PRKCI: variants seen among roughly 807,000 people sequenced by gnomAD.
PRKCI encodes protein kinase C iota type.
Under a neutral mutation model 84.0 loss-of-function variants are expected in PRKCI, and 43 were observed. The observed-to-expected ratio is 0.51, with a 90% CI of 0.40 to 0.66. The LOEUF (loss-of-function observed/expected upper bound fraction) is 0.66. PRKCI is among the 30% of genes least tolerant of loss of function. The probability of loss-of-function intolerance (pLI) is 0.00; values close to 1 mark genes in which losing one functional copy is unlikely to be tolerated. For missense variants in PRKCI, 459 were observed against 745.6 expected (o/e 0.62, Z 4.48); for synonymous variants, 216 against 234.4 (o/e 0.92, Z 0.72).
At chr3:170,280,704 C>T (rs182308851) in intron 9 of PRKCI, among the ~76,000 whole-genome samples, 26 of 152,302 alleles carry the variant, frequency 1.7e-4, no homozygotes, top group African/African-American at 6.3e-4. Context: ...CCGCCTCAGC[C>T]TCCCAAAGTT....
rs535939698 is a variant in PRKCI at position 170,274,155 on chromosome 3, A to C, written c.646+815A>C. On this transcript the variant is annotated intron_variant, in intron 7 of 17. Transcript: ENST00000295797. ...CGCTTTTTTCTTTTTCTTTCGAGAC[A>C]GAGTCTTGCTCTGTTGCCCAAGCTG... 5.9e-5 allele frequency among the ~76,000 whole-genome samples: 9 copies of C among 152,122 alleles called. 1 individual carries two copies. The South Asian group carries it at 6.2e-4, about 11-fold the overall frequency.
At chr3:170,297,040 C>CT (rs1267066044) in intron 15 of PRKCI, among the ~76,000 whole-genome samples, 5 of 152,196 alleles carry the variant, frequency 3.3e-5, no homozygotes, top group African/African-American at 1.2e-4. Flanking sequence ...CTGCTGTTCT[C>CT]TTTTTCCTCC....
At chr3:170,259,205 A>T (rs1022112888) in intron 2 of PRKCI, among the ~76,000 whole-genome samples, 1 of 152,158 alleles carries the variant, frequency 6.6e-6, no homozygotes, top group African/African-American at 2.4e-5. Context: ...TGGGATATAT[A>T]CAATGTTAAG....
At chr3:170,298,818 G>C (rs988946770) in intron 16 of PRKCI, among the ~76,000 whole-genome samples, 177 bp from the exon 17 acceptor site, 1 of 152,264 alleles carries the variant, frequency 6.6e-6, no homozygotes, top group African/African-American at 2.4e-5. Context: ...TGGGATTACA[G>C]GCGTGAGCCG....
intron 4 of PRKCI, among the ~76,000 whole-genome samples, chr3:170,265,620 CTT>C (rs111545487): frequency 1.1e-4 from 15 of 142,308 alleles, no homozygotes; most frequent in Admixed American, 2.8e-4. Flanking sequence ...CTTTCTTTTT[CTT>C]TTTTTTTTTT....
intron 1 of PRKCI, among the ~76,000 whole-genome samples, chr3:170,231,066 T>C (rs1213760962): frequency 6.6e-6 from 1 of 151,244 alleles, no homozygotes; most frequent in Non-Finnish European, 1.5e-5. Flanking sequence ...TTCAAGCGAT[T>C]CTCCAGTCTC....
rs1472340224 is a variant in PRKCI at position 170,303,688 on chromosome 3, G to T, written c.*561G>T. 9.1e-6 allele frequency: 2 copies of T among 219,500 alleles called. No individual in the cohort carries two copies. The highest frequency in any genetic ancestry group is 2.2e-5 in the African/African-American group (1 of 44,634). The allele number at this position is 219,500 out of a possible 1,614,324, so 13.6% of individuals were successfully genotyped here. A position where few individuals can be genotyped will look rare whatever the true frequency, so the allele number is the denominator to read the frequency against. On this transcript the variant is annotated 3_prime_UTR_variant, in exon 18 of 18. Coordinates refer to ENST00000295797, the MANE Select transcript of PRKCI (RefSeq NM_002740.6). ...AGTTATTAAATTGGTAATAGAAGAT[G>T]CTGCTTGCTTAGAATTGGGAAATTC...
At chr3:170,269,334 C>T (rs1029567129) in intron 5 of PRKCI, among the ~76,000 whole-genome samples, 1 of 152,210 alleles carries the variant, frequency 6.6e-6, no homozygotes, top group African/African-American at 2.4e-5. Flanking sequence ...AATCCCTCTC[C>T]AAACTCTCTT....
At chr3:170,227,084 G>A (rs375393102) in intron 1 of PRKCI, among the ~76,000 whole-genome samples, 94 of 152,338 alleles carry the variant, frequency 6.2e-4, no homozygotes, top group African/African-American at 2.1e-3. Flanking sequence ...AAGGAGAAAG[G>A]AGCAACTCTG....
chr3:170,303,184 T>G lies in PRKCI; in HGVS notation c.*57T>G, dbSNP rs1379832994. 1 of 1,351,400 alleles carries G rather than the reference T, an allele frequency of 7.4e-7. No individual in the cohort carries two copies. Among genetic ancestry groups the G allele is most frequent in the Non-Finnish European group, 1.0e-6 (1 of 969,388 alleles). The allele number at this position is 1,351,400 out of a possible 1,614,324, so 83.7% of individuals were successfully genotyped here. A position where few individuals can be genotyped will look rare whatever the true frequency, so the allele number is the denominator to read the frequency against. On this transcript the variant is annotated 3_prime_UTR_variant, in exon 18 of 18. Transcript: ENST00000295797. ...GTTGCCATTTAATGCATGGATAAAC[T>G]TGCTGCAAGCCTGGATACAATTAAC...
chr3:170,284,686 T>C (rs1734329151), intron 12 of PRKCI, 90 bp downstream of exon 12: 2 of 1,336,578 alleles, frequency 1.5e-6, no homozygotes, highest in South Asian at 1.4e-5. Context: ...AGGAAATGAT[T>C]ACTAATTTTG....
At chr3:170,224,276 A>G (rs73032602) in intron 1 of PRKCI, among the ~76,000 whole-genome samples, 3,076 of 152,060 alleles carry the variant, frequency 0.02, 100 homozygotes, top group African/African-American at 0.071. Context: ...TTGGAGTTAT[A>G]TTGGACAGTA....
intron 12 of PRKCI, among the ~76,000 whole-genome samples, chr3:170,286,423 C>A (rs1175625188): frequency 6.9e-6 from 1 of 145,624 alleles, no homozygotes; most frequent in Non-Finnish European, 1.5e-5. Flanking sequence ...ATAAATGAAA[C>A]TGAACAAAAA....
intron 8 of PRKCI, among the ~76,000 whole-genome samples, chr3:170,277,589 G>C (rs144844630): frequency 0.021 from 3,248 of 152,000 alleles, 89 homozygotes; most frequent in South Asian, 0.11. Context: ...AGCTGCTCGG[G>C]AGGCTGAGGC....
intron 12 of PRKCI, among the ~76,000 whole-genome samples, chr3:170,284,900 A>G (rs1734334804): frequency 6.6e-6 from 1 of 152,180 alleles, no homozygotes; most frequent in African/African-American, 2.4e-5. Flanking sequence ...CCACTACTTA[A>G]CACAACCATT....
At chr3:170,297,752 G>A (rs1251521588) in intron 16 of PRKCI, among the ~76,000 whole-genome samples, 1 of 149,462 alleles carries the variant, frequency 6.7e-6, no homozygotes, top group Non-Finnish European at 1.5e-5. Context: ...CACCACACCC[G>A]GCCTATCTCG....
intron 2 of PRKCI, among the ~76,000 whole-genome samples, chr3:170,254,562 T>C (rs1733536593): frequency 6.8e-6 from 1 of 147,982 alleles, no homozygotes; most frequent in Non-Finnish European, 1.5e-5. Context: ...TTATTGACAG[T>C]CTTATTTATT....
At chr3:170,229,687 C>G (rs1222143580) in intron 1 of PRKCI, among the ~76,000 whole-genome samples, 1 of 152,150 alleles carries the variant, frequency 6.6e-6, no homozygotes, top group Non-Finnish European at 1.5e-5. Flanking sequence ...AAGGAACCTC[C>G]TTATATTTAA....
chr3:170,263,643 A>C (rs1227267906), intron 4 of PRKCI, among the ~76,000 whole-genome samples: 3 of 152,054 alleles, frequency 2.0e-5, no homozygotes, highest in African/African-American at 7.2e-5. Flanking sequence ...CTTTCCAAAA[A>C]CACACAAAAA....
Sources: allele counts gnomAD v4.1 joint callset (sites outside exome capture counted in the v4.1 genomes callset), GRCh38; gene constraint gnomAD v4.1.1; transcripts MANE v1.5; gene names NCBI Gene and HGNC (gene_info 2026-07-23, HGNC 2026-07-21).